Variants in SCHIP1 observed in about 807,000 individuals in gnomAD.
SCHIP1 encodes schwannomin-interacting protein 1.
SCHIP1 carries 8 observed loss-of-function variants against 29.7 expected under a neutral mutation model. The observed-to-expected ratio is 0.27, with a 90% confidence interval of 0.16 to 0.49. The LOEUF is 0.49. Ranked by LOEUF, SCHIP1 falls within the 20% of genes least tolerant of loss-of-function variation. The pLI is 0.99. For synonymous variants in SCHIP1, 76 were observed against 94.9 expected, an observed-to-expected ratio of 0.80 and a Z score of 1.16; for missense variants, 193 against 294.6, an observed-to-expected ratio of 0.66 and a Z score of 2.52.
chr3:159,869,900 T>A (rs1419966879), intron 2 of SCHIP1, among the ~76,000 whole-genome samples: 1 of 151,902 alleles, frequency 6.6e-6, no homozygotes, highest in African/African-American at 2.4e-5. Flanking sequence ...ATATTACACA[T>A]CTCTTGTTAT....
chr3:159,601,035 G>A, the SCHIP1 span, among the ~76,000 whole-genome samples: 1 of 152,224 alleles, frequency 6.6e-6, no homozygotes, highest in Non-Finnish European at 1.5e-5. Flanking sequence ...CAGTCTTTGG[G>A]TCCCAAGAGT....
the SCHIP1 span, among the ~76,000 whole-genome samples, chr3:159,349,761 G>A: frequency 4.6e-5 from 7 of 152,204 alleles, no homozygotes; most frequent in South Asian, 4.2e-4. Flanking sequence ...TCTTCGGGTC[G>A]GGGTTTGCAT....
chr3:159,875,053 GC>G lies in SCHIP1; in HGVS notation c.149+8776del, dbSNP rs375057801. On this transcript the variant is annotated intron_variant, in intron 2 of 6. Transcript: ENST00000445224. ...AAAAACAAAAACTATCATTTTTTATGCCCCTCCTCTAAGGATTGCTTCCAGT... is the reference window on the plus strand; with the variant it reads ...AAAAACAAAAACTATCATTTTTTATGCCCTCCTCTAAGGATTGCTTCCAGT... Among the ~76,000 whole-genome samples, 481 of 143,288 alleles carry G rather than the reference GC, an allele frequency of 3.4e-3. 2 individuals carry two copies. Among genetic ancestry groups the G allele is most frequent in the African/African-American group, 0.012 (450 of 38,668 alleles). The allele number at this position is 143,288 out of a possible 152,430, so 94.0% of individuals were successfully genotyped here.
the SCHIP1 span, among the ~76,000 whole-genome samples, chr3:159,788,137 A>T: frequency 6.6e-6 from 1 of 152,028 alleles, no homozygotes; most frequent in Non-Finnish European, 1.5e-5. Context: ...AGCTGGCCCC[A>T]CAGAGGGTGT....
the SCHIP1 span, among the ~76,000 whole-genome samples, chr3:159,472,870 G>T: frequency 2.0e-5 from 3 of 152,180 alleles, no homozygotes; most frequent in African/African-American, 7.2e-5. Flanking sequence ...TTCAGTGGAA[G>T]AATCACATAT....
the SCHIP1 span, among the ~76,000 whole-genome samples, chr3:159,701,056 GA>G: frequency 6.6e-6 from 1 of 152,040 alleles, no homozygotes; most frequent in African/African-American, 2.4e-5. Flanking sequence ...GATGTTATGC[GA>G]TTAAATACAA....
chr3:159,475,881 T>C, the SCHIP1 span, among the ~76,000 whole-genome samples: 1 of 152,126 alleles, frequency 6.6e-6, no homozygotes, highest in Non-Finnish European at 1.5e-5. Context: ...AGTTGAAGCT[T>C]TCATAACAAG....
At chr3:159,698,834 C>T in the SCHIP1 span, among the ~76,000 whole-genome samples, 15 of 151,796 alleles carry the variant, frequency 9.9e-5, no homozygotes, top group African/African-American at 2.4e-4. Flanking sequence ...TTGGTAGAGA[C>T]GGGGTTGCTC....
the SCHIP1 span, among the ~76,000 whole-genome samples, chr3:159,475,217 TCATA>T: frequency 2.6e-5 from 4 of 152,272 alleles, no homozygotes; most frequent in Admixed American, 2.0e-4. Context: ...TGTGGTATAC[TCATA>T]CAATGAAATA....
At chr3:159,839,628 C>CTTTTTTTTT (rs3068349), upstream of SCHIP1, among the ~76,000 whole-genome samples, 24 of 71,766 alleles carry the variant, frequency 3.3e-4, 1 homozygote, top group African/African-American at 6.1e-4. Context: ...AGGTCTTTTT[C>CTTTTTTTTT]TTTTTTTTTT....
the SCHIP1 span, among the ~76,000 whole-genome samples, chr3:159,582,612 T>C: frequency 6.6e-6 from 1 of 152,144 alleles, no homozygotes; most frequent in Admixed American, 6.6e-5. Context: ...GATATAATGC[T>C]ATTGCACACT....
At chr3:159,728,032 A>C in the SCHIP1 span, among the ~76,000 whole-genome samples, 1 of 149,222 alleles carries the variant, frequency 6.7e-6, no homozygotes, top group South Asian at 2.1e-4. Flanking sequence ...GGCAATCTGT[A>C]ATTTAAGAGT....
At chr3:159,633,993 G>A in the SCHIP1 span, among the ~76,000 whole-genome samples, 2 of 152,104 alleles carry the variant, frequency 1.3e-5, no homozygotes, top group Non-Finnish European at 2.9e-5. Flanking sequence ...AGTCAACTTA[G>A]TAGTAATATT....
At chr3:159,630,969 T>A in the SCHIP1 span, among the ~76,000 whole-genome samples, 1 of 152,006 alleles carries the variant, frequency 6.6e-6, no homozygotes, top group Non-Finnish European at 1.5e-5. Context: ...CACCCAAAGT[T>A]GAATTACAAG....
At chr3:159,690,667 A>T in the SCHIP1 span, among the ~76,000 whole-genome samples, 1 of 152,088 alleles carries the variant, frequency 6.6e-6, no homozygotes, top group East Asian at 1.9e-4. Flanking sequence ...TTGCATCTCT[A>T]GTTCATTTAA....
At chr3:159,507,439 C>T in the SCHIP1 span, among the ~76,000 whole-genome samples, 1 of 152,164 alleles carries the variant, frequency 6.6e-6, no homozygotes, top group Non-Finnish European at 1.5e-5. Context: ...TCCTCTTTTC[C>T]TAATTGAATG....
the SCHIP1 span, among the ~76,000 whole-genome samples, chr3:159,753,881 A>C: frequency 3.3e-5 from 5 of 152,116 alleles, no homozygotes; most frequent in Non-Finnish European, 5.9e-5. Flanking sequence ...TTTATTCAAG[A>C]CTTTATTCAC....
chr3:159,320,786 C>T, the SCHIP1 span, among the ~76,000 whole-genome samples: 1 of 151,274 alleles, frequency 6.6e-6, no homozygotes, highest in African/African-American at 2.4e-5. Flanking sequence ...GATGCACTTT[C>T]AATAACAGCT....
chr3:159,575,057 C>G, the SCHIP1 span, among the ~76,000 whole-genome samples: 21 of 152,214 alleles, frequency 1.4e-4, no homozygotes, highest in Admixed American at 1.2e-3. Flanking sequence ...CCTTGTGCTT[C>G]CAGGGTGAGG....
Sources: allele counts gnomAD v4.1 joint callset (sites outside exome capture counted in the v4.1 genomes callset), GRCh38; gene constraint gnomAD v4.1.1; transcripts MANE v1.5; gene names NCBI Gene and HGNC (gene_info 2026-07-23, HGNC 2026-07-21).